The following DCLK2 variants were observed in gnomAD, a reference collection of about 807,000 sequenced individuals.
DCLK2 encodes the protein doublecortin like kinase 2.
In DCLK2, 31 loss-of-function variants were observed where a neutral mutation model predicts 78.4. That is an observed-to-expected ratio of 0.40 (90% CI 0.30 to 0.53). DCLK2 has a LOEUF of 0.53. DCLK2 is among the 20% of genes least tolerant of loss of function. The pLI is 0.61. For synonymous variants in DCLK2, 407 were observed against 374.9 expected (o/e 1.09, Z -0.99); for missense variants, 872 against 973.7 (o/e 0.90, Z 1.39).
intron 1 of DCLK2, among the ~76,000 whole-genome samples, chr4:150,090,747 A>G (rs917596513): frequency 6.6e-6 from 1 of 152,178 alleles, no homozygotes; most frequent in Non-Finnish European, 1.5e-5. Context: ...CGTAGGGTCA[A>G]AGCAGATTTT....
At chr4:150,245,903 C>T (rs556270141) in intron 12 of DCLK2, among the ~76,000 whole-genome samples, 1 of 152,296 alleles carries the variant, frequency 6.6e-6, no homozygotes, top group African/African-American at 2.4e-5. Flanking sequence ...CATCCCATTA[C>T]TGGGTATATA....
intron 2 of DCLK2, among the ~76,000 whole-genome samples, chr4:150,149,037 C>CA (rs11407877): frequency 0.026 from 2,695 of 104,520 alleles, 95 homozygotes; most frequent in African/African-American, 0.092. Context: ...CAGACTGTCT[C>CA]AAAAAAAAAA....
chr4:150,233,341 A>AT (rs1742228305), intron 10 of DCLK2, among the ~76,000 whole-genome samples: 1 of 152,218 alleles, frequency 6.6e-6, no homozygotes, highest in South Asian at 2.1e-4. Flanking sequence ...AACATTGGGA[A>AT]TTACAGTTCA....
chr4:150,172,630 GAAAT>G (rs1158063482), intron 2 of DCLK2, among the ~76,000 whole-genome samples: 1 of 102,406 alleles, frequency 9.8e-6, no homozygotes, highest in African/African-American at 3.7e-5. Flanking sequence ...AAAAAAAAAA[GAAAT>G]CCATAGATCA....
At chr4:150,153,684 G>A (rs1580608078) in intron 2 of DCLK2, among the ~76,000 whole-genome samples, 1 of 151,954 alleles carries the variant, frequency 6.6e-6, no homozygotes, top group South Asian at 2.1e-4. Flanking sequence ...CCAAAGTCCA[G>A]GATTATAGAT....
At chr4:150,221,437 TC>T in intron 6 of DCLK2, among the ~76,000 whole-genome samples, 1 of 152,286 alleles carries the variant, frequency 6.6e-6, no homozygotes, top group South Asian at 2.1e-4. Flanking sequence ...ATCACTTATT[TC>T]ACCTGATATC....
At chr4:150,192,478 C>A (rs866410891) in intron 2 of DCLK2, among the ~76,000 whole-genome samples, 572 of 112,378 alleles carry the variant, frequency 5.1e-3, no homozygotes, top group Non-Finnish European at 5.5e-3. Context: ...GATTGCGTCT[C>A]AAAAAAAAAA....
intron 2 of DCLK2, among the ~76,000 whole-genome samples, chr4:150,177,510 A>T (rs954486422): frequency 2.6e-5 from 4 of 152,206 alleles, no homozygotes; most frequent in African/African-American, 9.6e-5. Context: ...TAACACATAC[A>T]CTAAATTGAA....
intron 2 of DCLK2, among the ~76,000 whole-genome samples, chr4:150,128,793 C>T (rs2150193710): frequency 6.6e-6 from 1 of 152,150 alleles, no homozygotes; most frequent in African/African-American, 2.4e-5. Flanking sequence ...TGTCTTAAGT[C>T]CATGGACAGA....
intron 15 of DCLK2, chr4:150,253,118 C>T (rs958169101): frequency 2.2e-6 from 1 of 449,268 alleles, no homozygotes; most frequent in African/African-American, 2.1e-5. Context: ...CCTCCTCATC[C>T]TCCTCATCCT....
intron 2 of DCLK2, among the ~76,000 whole-genome samples, chr4:150,147,628 A>G (rs1246224963): frequency 1.3e-5 from 2 of 151,684 alleles, no homozygotes; most frequent in Admixed American, 6.6e-5. Flanking sequence ...ATTCCCTTCA[A>G]TATTCAGTCC....
intron 2 of DCLK2, among the ~76,000 whole-genome samples, chr4:150,171,156 A>C (rs1028839939): frequency 1.3e-5 from 2 of 152,240 alleles, no homozygotes; most frequent in Non-Finnish European, 2.9e-5. Flanking sequence ...TTCCAGTCTT[A>C]CTGATTTCAG....
chr4:150,232,015 G>A (rs1209594529), intron 8 of DCLK2, among the ~76,000 whole-genome samples: 2 of 152,212 alleles, frequency 1.3e-5, no homozygotes, highest in African/African-American at 4.8e-5. Context: ...GTGTGCTGAA[G>A]CTTTCATAGC....
At chr4:150,249,499 CTT>C (rs1320983934) in intron 14 of DCLK2, 67 bp from the exon 15 acceptor site, 1 of 1,400,666 alleles carries the variant, frequency 7.1e-7, no homozygotes, top group Non-Finnish European at 1.0e-6. Context: ...GAGGGGGACT[CTT>C]AAGGAAAAGA....
intron 5 of DCLK2, chr4:150,209,781 T>G (rs533342774): frequency 1.3e-5 from 2 of 152,426 alleles, no homozygotes; most frequent in South Asian, 4.1e-4. Context: ...GGTAAATCTA[T>G]TACAACATTT....
chr4:150,246,766 G>A (rs1465011705), intron 12 of DCLK2, among the ~76,000 whole-genome samples: 1 of 152,162 alleles, frequency 6.6e-6, no homozygotes, highest in Non-Finnish European at 1.5e-5. Flanking sequence ...TCATTCATGA[G>A]AAGTCAGGTC....
At chr4:150,156,746 TTTA>T (rs1735305844) in intron 2 of DCLK2, among the ~76,000 whole-genome samples, 5 of 32,648 alleles carry the variant, frequency 1.5e-4, no homozygotes, top group Admixed American at 9.3e-4. Flanking sequence ...AACTATTTTA[TTTA>T]TTTATTTATT....
At chr4:150,203,328 G>A (rs1312005883) in intron 4 of DCLK2, among the ~76,000 whole-genome samples, 1 of 152,192 alleles carries the variant, frequency 6.6e-6, no homozygotes, top group Non-Finnish European at 1.5e-5. Flanking sequence ...AAATGTGTTT[G>A]TATTATGGTG....
In DCLK2 at chr4:150,078,988, C is replaced by T; in HGVS notation, c.-40C>T. 1 of 1,504,498 alleles carries T rather than the reference C, an allele frequency of 6.6e-7. No homozygotes were observed. The highest frequency in any genetic ancestry group is 8.8e-7 in the Non-Finnish European group (1 of 1,130,284). The allele number at this position is 1,504,498 out of a possible 1,614,324, so 93.2% of individuals were successfully genotyped here. On this transcript the variant is annotated 5_prime_UTR_variant, in exon 1 of 16. Coordinates refer to ENST00000296550, the MANE Select transcript of DCLK2 (RefSeq NM_001040260.4). ...CACCGGCGCTCGCACCCTTAGTCGG[C>T]CCGGAACGTCTTTTTGCGGACGCCC...
Sources: gnomAD v4.1 joint callset for allele counts (sites outside exome capture counted in the v4.1 genomes callset) on GRCh38, gnomAD v4.1.1 for gene constraint, MANE v1.5 for transcripts, NCBI Gene and HGNC (gene_info 2026-07-23, HGNC 2026-07-21) for gene names.